The following DGLUCY variants were observed in gnomAD, a reference collection of about 807,000 sequenced individuals.
DGLUCY encodes D-glutamate cyclase.
A neutral mutation model predicts 58.5 loss-of-function variants in DGLUCY; 58 were observed. The observed-to-expected ratio is 0.99, with a 90% CI of 0.80 to 1.23. The LOEUF is 1.23. DGLUCY is among the 50% of genes most tolerant of loss of function. The probability of loss-of-function intolerance (pLI) is 0.00; values close to 1 mark genes in which losing one functional copy is unlikely to be tolerated. For missense variants in DGLUCY, 779 were observed against 784.7 expected, an observed-to-expected ratio of 0.99 and a Z score of 0.09; for synonymous variants, 325 against 314.1, an observed-to-expected ratio of 1.03 and a Z score of -0.37.
chr14:91,094,892 A>G (rs2044370174), intron 1 of DGLUCY, among the ~76,000 whole-genome samples: 1 of 152,032 alleles, frequency 6.6e-6, no homozygotes, highest in Non-Finnish European at 1.5e-5. Flanking sequence ...CAGGGCTGTC[A>G]TCAGCCTGTG....
upstream of DGLUCY, among the ~76,000 whole-genome samples, chr14:91,109,570 GCAGAAGTGGGT>G (rs1204477357): frequency 4.6e-5 from 7 of 152,176 alleles, no homozygotes; most frequent in Non-Finnish European, 1.0e-4. Context: ...ATTCCCTGAG[GCAGAAGTGGGT>G]CAGAACATAT....
At chr14:91,188,605 T>A (rs1428891604) in intron 8 of DGLUCY, among the ~76,000 whole-genome samples, 1 of 152,142 alleles carries the variant, frequency 6.6e-6, no homozygotes, top group African/African-American at 2.4e-5. Flanking sequence ...GTGGGAAGAT[T>A]GCTTGAGCCC....
chr14:91,125,921 G>A (rs929098891), intron 1 of DGLUCY, among the ~76,000 whole-genome samples: 5 of 152,298 alleles, frequency 3.3e-5, no homozygotes, highest in Admixed American at 1.3e-4. Flanking sequence ...GACAGAGCAG[G>A]ACACAGTCTC....
chr14:91,157,176 T>C (rs2047689478), intron 1 of DGLUCY, among the ~76,000 whole-genome samples: 1 of 142,734 alleles, frequency 7.0e-6, no homozygotes, highest in South Asian at 2.2e-4. Flanking sequence ...GATGGATAGA[T>C]GGATGGATGG....
At chr14:91,161,797 T>C (rs1052361040) in intron 3 of DGLUCY, among the ~76,000 whole-genome samples, 2 of 130,948 alleles carry the variant, frequency 1.5e-5, no homozygotes, top group African/African-American at 5.8e-5. Context: ...CAAAAGTAAT[T>C]GCGATTTTTG....
At chr14:91,105,747 T>C, upstream of DGLUCY, among the ~76,000 whole-genome samples, 1 of 152,222 alleles carries the variant, frequency 6.6e-6, no homozygotes, top group East Asian at 1.9e-4. Flanking sequence ...GACTCCTGAC[T>C]TAACAATAAG....
rs187133842 is a variant in DGLUCY at position 91,119,989 on chromosome 14, A to G, written c.-82+5706A>G. Among the ~76,000 whole-genome samples, 252 of 152,230 alleles carry G rather than the reference A, an allele frequency of 1.7e-3. 1 individual carries two copies. The Middle Eastern group carries it at 0.017, about 10-fold the overall frequency. The stretch of plus-strand genomic sequence containing the variant: ...GCTTTGGCCTGAGACTGAAGGCTGC[A>G]TTGTTGGCTTCCCTACTTTTGAGGT... On this transcript the variant is annotated intron_variant, in intron 1 of 13. Coordinates refer to ENST00000256324, the MANE Select transcript of DGLUCY (RefSeq NM_001102368.3).
At chr14:91,111,248 G>C (rs200344290), upstream of DGLUCY, among the ~76,000 whole-genome samples, 1 of 81,152 alleles carries the variant, frequency 1.2e-5, no homozygotes, top group African/African-American at 4.3e-5. Context: ...GTGTGTGTGT[G>C]TATATATCTA....
chr14:91,117,630 T>C (rs775690991), intron 1 of DGLUCY, among the ~76,000 whole-genome samples: 43 of 147,250 alleles, frequency 2.9e-4, no homozygotes, highest in Non-Finnish European at 7.4e-5. Flanking sequence ...TGGCACAGAG[T>C]AAGCTTTTGT....
chr14:91,083,577 C>A (rs1326145085), intron 1 of DGLUCY, among the ~76,000 whole-genome samples: 2 of 151,752 alleles, frequency 1.3e-5, no homozygotes, highest in Non-Finnish European at 2.9e-5. Flanking sequence ...AGTCTCCACG[C>A]CTGACCCAGA....
At chr14:91,200,892 A>G (rs947540331) in intron 11 of DGLUCY, among the ~76,000 whole-genome samples, 1 of 148,522 alleles carries the variant, frequency 6.7e-6, no homozygotes, top group Non-Finnish European at 1.5e-5. Flanking sequence ...GGTTTGGGAT[A>G]GGTGGTGGAG....
In DGLUCY at chr14:91,215,547, G is replaced by C. The variant is rs756064073; in HGVS notation, c.1707G>C (p.Ser569=). The C allele has an allele frequency of 1.3e-5, 21 of 1,613,554 alleles. No homozygotes were observed. Among genetic ancestry groups the C allele is most frequent in the African/African-American group, 2.7e-5 (2 of 74,900 alleles). ...GDQAWTQALP[S]VIKEEKMLGI... is the part of the protein sequence containing the mutation. Reference sequence around the variant, plus strand: ...AGGCCTGGACTCAGGCCCTCCCGTCGGTCATTAAGGTAACAAACCCCAGCC... The same window carrying C: ...AGGCCTGGACTCAGGCCCTCCCGTCCGTCATTAAGGTAACAAACCCCAGCC... The change falls in exon 13 of 14, where the codon TCG becomes TCC. Residue 569 remains serine (S), a synonymous_variant. Coordinates refer to ENST00000256324, the MANE Select transcript of DGLUCY (RefSeq NM_001102368.3).
intron 1 of DGLUCY, among the ~76,000 whole-genome samples, chr14:91,135,542 C>T (rs1248643039): frequency 2.0e-5 from 3 of 150,286 alleles, no homozygotes; most frequent in Admixed American, 1.3e-4. Flanking sequence ...CCCAGCTACT[C>T]GGGAGGCTGA....
At chr14:91,118,043 A>G (rs8007888) in intron 1 of DGLUCY, among the ~76,000 whole-genome samples, 120,765 of 143,362 alleles carry the variant, frequency 0.84, 51,222 homozygotes, top group East Asian at 1. Flanking sequence ...CAGGTAGCAG[A>G]CTTCAGAGAG....
chr14:91,084,204 C>CTTT (rs35881437), intron 1 of DGLUCY, among the ~76,000 whole-genome samples: 3 of 136,648 alleles, frequency 2.2e-5, no homozygotes, highest in East Asian at 2.2e-4. Context: ...ATCTGTCTCT[C>CTTT]TTTTTTTTTT....
intron 12 of DGLUCY, among the ~76,000 whole-genome samples, chr14:91,209,474 C>T (rs1002777332): frequency 3.9e-5 from 6 of 151,974 alleles, no homozygotes; most frequent in East Asian, 1.9e-4. Flanking sequence ...TTTGGGAGGC[C>T]GAGGCTGGGT....
At chr14:91,183,054 C>T (rs1241767147) in intron 8 of DGLUCY, among the ~76,000 whole-genome samples, 1 of 151,342 alleles carries the variant, frequency 6.6e-6, no homozygotes, top group South Asian at 2.1e-4. Context: ...TGCAGTGATG[C>T]GATCTTGGCT....
intron 1 of DGLUCY, among the ~76,000 whole-genome samples, chr14:91,087,660 A>G (rs2044245476): frequency 1.3e-5 from 2 of 152,090 alleles, no homozygotes; most frequent in Non-Finnish European, 2.9e-5. Flanking sequence ...TTGCCTTTTT[A>G]AAAAAATTCT....
chr14:91,148,386 A>G (rs2047127280), intron 1 of DGLUCY, among the ~76,000 whole-genome samples: 2 of 151,232 alleles, frequency 1.3e-5, no homozygotes, highest in Admixed American at 1.3e-4. Flanking sequence ...TTGTATTTTT[A>G]GTAAAGACAG....
Sources: allele counts gnomAD v4.1 joint callset (sites outside exome capture counted in the v4.1 genomes callset), GRCh38; gene constraint gnomAD v4.1.1; transcripts MANE v1.5; gene names NCBI Gene and HGNC (gene_info 2026-07-23, HGNC 2026-07-21).